MIAT: variants seen among roughly 807,000 people sequenced by gnomAD.
The protein encoded by MIAT is myocardial infarction associated transcript.
exon 5 of MIAT, chr22:26,674,898 G>A (rs981412607): frequency 7.5e-5 from 30 of 398,616 alleles, no homozygotes; most frequent in Non-Finnish European, 1.1e-4. Context: ...GGGCTTTTTC[G>A]TCATGGTGCT....
chr22:26,660,199 TG>T (rs1478498968), intron 2 of MIAT, among the ~76,000 whole-genome samples: 2 of 151,290 alleles, frequency 1.3e-5, no homozygotes, highest in Non-Finnish European at 2.9e-5. Flanking sequence ...TGGCTGGGCA[TG>T]GTGGCTCACG....
intron 2 of MIAT, among the ~76,000 whole-genome samples, chr22:26,660,280 TG>T (rs1930617888): frequency 6.6e-6 from 1 of 151,686 alleles, no homozygotes; most frequent in African/African-American, 2.4e-5. Context: ...GAGACCAGCC[TG>T]GTCAACATGG....
chr22:26,669,218 T>C (rs1356410040), exon 6 of MIAT: 1 of 398,654 alleles, frequency 2.5e-6, no homozygotes, highest in Non-Finnish European at 4.4e-6. Flanking sequence ...AAAAGCCAGA[T>C]GTCCTTTTTC....
chr22:26,670,885 T>C (rs1472562106), downstream of MIAT: 2 of 398,244 alleles, frequency 5.0e-6, no homozygotes, highest in African/African-American at 2.1e-5. Context: ...CTTTGTAGCA[T>C]TGGCTGAAAA....
exon 4 of MIAT, chr22:26,666,889 G>A (rs949582067): frequency 5.9e-6 from 2 of 338,220 alleles, no homozygotes; most frequent in African/African-American, 2.1e-5. Flanking sequence ...TGTGGGGAAG[G>A]AAGGAGCTGG....
chr22:26,668,813 CT>C (rs771942076), exon 6 of MIAT: 1 of 398,904 alleles, frequency 2.5e-6, no homozygotes, highest in Non-Finnish European at 4.4e-6. Context: ...CAGTCAGGAT[CT>C]GGGAGGAGCT....
chr22:26,647,125 C>A (rs1930247077), intron 1 of MIAT: 2 of 398,350 alleles, frequency 5.0e-6, no homozygotes, highest in African/African-American at 2.1e-5. Flanking sequence ...GAAACGGAGA[C>A]CTCAGGCAAG....
chr22:26,665,065 C>T (rs1234384071), intron 3 of MIAT, among the ~76,000 whole-genome samples: 2 of 151,780 alleles, frequency 1.3e-5, no homozygotes, highest in Admixed American at 6.6e-5. Context: ...GGTGAAACCC[C>T]GTCTCTACTA....
chr22:26,646,873 A>G (rs1930243364), exon 1 of MIAT: 3 of 398,538 alleles, frequency 7.5e-6, no homozygotes, highest in African/African-American at 6.2e-5. Flanking sequence ...GGCCACAGGA[A>G]TAGAGACAGG....
intron 2 of MIAT, among the ~76,000 whole-genome samples, chr22:26,656,829 C>G (rs1191410551): frequency 6.7e-6 from 1 of 150,170 alleles, no homozygotes; most frequent in African/African-American, 2.5e-5. Context: ...ACTGCTTGAA[C>G]CCAGGAGTTC....
At chr22:26,665,152 A>G (rs1569221631) in intron 3 of MIAT, among the ~76,000 whole-genome samples, 2 of 152,096 alleles carry the variant, frequency 1.3e-5, no homozygotes, top group African/African-American at 4.8e-5. Context: ...TAGGCAGGGG[A>G]ATCACTTGAA....
downstream of MIAT, chr22:26,671,090 G>A (rs972621461): frequency 7.5e-6 from 3 of 398,618 alleles, no homozygotes; most frequent in South Asian, 1.3e-4. Context: ...GCGGGTGTGC[G>A]TGTGTCTGTC....
intron 2 of MIAT, among the ~76,000 whole-genome samples, chr22:26,653,289 A>T (rs182811126): frequency 6.6e-6 from 1 of 152,178 alleles, no homozygotes; most frequent in Non-Finnish European, 1.5e-5. Flanking sequence ...TCTGCTGAAC[A>T]TGAGGGTCCA....
At chr22:26,672,957 C>T (rs2146021178), downstream of MIAT, 2 of 398,636 alleles carry the variant, frequency 5.0e-6, no homozygotes, top group Non-Finnish European at 8.8e-6. Flanking sequence ...TCTCCCCTCT[C>T]TGGAGCCGAG....
At chr22:26,657,588 A>G (rs1022344440) in intron 2 of MIAT, 1 of 398,716 alleles carries the variant, frequency 2.5e-6, no homozygotes, top group Non-Finnish European at 4.4e-6. Context: ...GGGCTCCCCC[A>G]GTTCTGCGCT....
Position 26,656,438 on chromosome 22 carries a change from C to T in MIAT, n.647-6878C>T, listed in dbSNP as rs546554561. ...CTCCCGGGTTCGAGTGATTCTAGTG[C>T]CTCAGCCTCACGAGTAGCTGGGATT... On this transcript the variant is annotated intron_variant and non_coding_transcript_variant, in intron 2 of 5. Coordinates refer to ENST00000643270, the Ensembl canonical transcript of MIAT. 2.0e-5 allele frequency among the ~76,000 whole-genome samples: 3 copies of T among 151,572 alleles called. No individual in the cohort carries two copies. The East Asian group carries it at 5.8e-4, about 30-fold the overall frequency.
At chr22:26,674,499 G>C (rs986496223), downstream of MIAT, 9 of 398,666 alleles carry the variant, frequency 2.3e-5, no homozygotes, top group Non-Finnish European at 4.0e-5. Context: ...AGACCTTAGA[G>C]GCAGGTTGCT....
chr22:26,675,242 G>A (rs1931217337), exon 5 of MIAT: 1 of 398,946 alleles, frequency 2.5e-6, no homozygotes, highest in Non-Finnish European at 4.4e-6. Flanking sequence ...GGCAGCGAGA[G>A]TGGTGGACAC....
intron 2 of MIAT, among the ~76,000 whole-genome samples, chr22:26,649,453 C>G (rs1930297908): frequency 6.6e-6 from 1 of 152,232 alleles, no homozygotes; most frequent in African/African-American, 2.4e-5. Flanking sequence ...TGCTGCCCAT[C>G]ACTTCTCAAA....
Sources: gnomAD v4.1 joint callset for allele counts (sites outside exome capture counted in the v4.1 genomes callset) on GRCh38, gnomAD v4.1.1 for gene constraint, MANE v1.5 for transcripts, NCBI Gene and HGNC (gene_info 2026-07-23, HGNC 2026-07-21) for gene names.